Variants in ADGRG7 observed in about 807,000 individuals in gnomAD.
The protein encoded by ADGRG7 is G-protein coupled receptor 128.
ADGRG7 carries 82 observed loss-of-function variants against 88.6 expected under a neutral mutation model. The observed-to-expected ratio is 0.93, with a 90% CI of 0.77 to 1.11. ADGRG7 has a LOEUF of 1.11. ADGRG7 is among the 50% of genes most tolerant of loss of function. The probability of loss-of-function intolerance (pLI) is 0.00; values close to 1 mark genes in which losing one functional copy is unlikely to be tolerated. For synonymous variants in ADGRG7, 381 were observed against 345.2 expected, an observed-to-expected ratio of 1.10 and a Z score of -1.15; for missense variants, 945 against 953.4, an observed-to-expected ratio of 0.99 and a Z score of 0.12.
intron 15 of ADGRG7, among the ~76,000 whole-genome samples, chr3:100,673,997 T>A (rs1328635467): frequency 3.9e-5 from 6 of 152,256 alleles, no homozygotes; most frequent in Non-Finnish European, 4.4e-5. Flanking sequence ...ATCTTAGATC[T>A]TTCCTGCTTT....
intron 14 of ADGRG7, among the ~76,000 whole-genome samples, chr3:100,662,022 C>T (rs900944672): frequency 1.3e-5 from 2 of 152,194 alleles, no homozygotes; most frequent in African/African-American, 4.8e-5. Flanking sequence ...TTACCCTCTA[C>T]TTCCACCAAA....
chr3:100,662,461 C>A lies in ADGRG7; in HGVS notation c.1979+2618C>A, dbSNP rs540542257. Among the ~76,000 whole-genome samples, 5 of 152,190 alleles carry A rather than the reference C, an allele frequency of 3.3e-5. No individual in the cohort carries two copies. In the East Asian group the frequency reaches 7.7e-4, roughly 23 times the overall value. On this transcript the variant is annotated intron_variant, in intron 14 of 15. Transcript: ENST00000273352. ...AGTCAATTAAACAAAAGCAGTCAAC[C>A]AACTTTTTTGCTAATATAATAGCAT...
At position 100,694,766 on chromosome 3, in the gene ADGRG7, A is replaced by G; in HGVS notation, c.2159A>G (p.Tyr720Cys). 1 of 1,614,006 alleles carries G rather than the reference A, an allele frequency of 6.2e-7. No homozygotes were observed. The highest frequency in any genetic ancestry group is 8.5e-7 in the Non-Finnish European group (1 of 1,179,836). ...TTQGLQIFIL[Y>C]TVRTKVFQSE... Reference sequence around the variant, plus strand: ...CAGGGATTGCAAATTTTTATCCTGTACACTGTTAGAACAAAAGTCTTCCAG... The same window carrying G: ...CAGGGATTGCAAATTTTTATCCTGTGCACTGTTAGAACAAAAGTCTTCCAG... The change falls in exon 16 of 16, where the codon TAC becomes TGC. Residue 720 changes from tyrosine to cysteine, a missense_variant. Tyr to Cys is a radical substitution (Grantham distance 194, BLOSUM62 -2). Transcript: ENST00000273352.
chr3:100,637,355 T>C lies in ADGRG7; in HGVS notation c.651T>C (p.Asp217=). The change falls in exon 6 of 16, where the codon GAT becomes GAC. Residue 217 remains aspartate (D), a synonymous_variant. Transcript: ENST00000273352. ...TVSQLLDASE[D]AFQRVAATAN... Reference sequence around the variant, plus strand: ...GTCAACTCCTAGATGCCAGTGAAGATGCTTTTCAAAGAGTTGCTGCTACTG... The same window carrying C: ...GTCAACTCCTAGATGCCAGTGAAGACGCTTTTCAAAGAGTTGCTGCTACTG... The C allele has an allele frequency of 6.2e-7, 1 of 1,613,988 alleles. No individual in the cohort carries two copies. Among genetic ancestry groups the C allele is most frequent in the South Asian group, 1.1e-5 (1 of 91,088 alleles).
intron 15 of ADGRG7, among the ~76,000 whole-genome samples, chr3:100,678,511 T>A (rs950234303): frequency 3.0e-4 from 45 of 152,310 alleles, no homozygotes; most frequent in African/African-American, 1.1e-3. Flanking sequence ...TGTTCATTAG[T>A]GTCTGGGCAT....
chr3:100,613,560 A>C (rs2149010348), intron 1 of ADGRG7, among the ~76,000 whole-genome samples: 1 of 152,242 alleles, frequency 6.6e-6, no homozygotes, highest in Non-Finnish European at 1.5e-5. Flanking sequence ...AAGTCTATTA[A>C]AGGGAAGGGA....
chr3:100,638,188 G>A lies in ADGRG7; in HGVS notation c.698+786G>A, dbSNP rs575227489. Among the ~76,000 whole-genome samples the A allele has an allele frequency of 2.4e-4, 36 of 152,354 alleles. No individual in the cohort carries two copies. In the South Asian group the frequency reaches 6.8e-3, roughly 29 times the overall value. ...AGGGCCAGCATAACAGCCTTTTTGG[G>A]TACCTGCACTTGGTGGGTCCCAAAT... On this transcript the variant is annotated intron_variant, in intron 6 of 15. Coordinates refer to ENST00000273352, the MANE Select transcript of ADGRG7 (RefSeq NM_032787.3).
rs181580567 is a variant in ADGRG7, at chr3:100,616,259, C to T, written c.115+6288C>T. Among the ~76,000 whole-genome samples the T allele has an allele frequency of 7.9e-5, 12 of 152,118 alleles. 1 individual carries two copies. In the South Asian group the frequency reaches 1.0e-3, roughly 13 times the overall value. On this transcript the variant is annotated intron_variant, in intron 1 of 15. Transcript: ENST00000273352. ...TGAGTTTACAATACAAAATTACATG[C>T]GAACCATGATGCTGGAGAGACATCA...
chr3:100,626,555 G>A (rs1467809470), intron 1 of ADGRG7, among the ~76,000 whole-genome samples: 1 of 152,156 alleles, frequency 6.6e-6, no homozygotes, highest in African/African-American at 2.4e-5. Context: ...GGGAGGCCAA[G>A]GTGGGCGGAT....
chr3:100,687,964 C>A, intron 15 of ADGRG7, among the ~76,000 whole-genome samples: 1 of 152,116 alleles, frequency 6.6e-6, no homozygotes, highest in Admixed American at 6.5e-5. Context: ...ACCAGCTCCT[C>A]CTTGTACCTC....
chr3:100,673,524 T>C (rs1165347), intron 15 of ADGRG7, among the ~76,000 whole-genome samples: 131,179 of 150,178 alleles, frequency 0.87, 59,379 homozygotes, highest in Non-Finnish European at 1. Context: ...TACAATGGTG[T>C]GATCTCAGCT....
intron 13 of ADGRG7, among the ~76,000 whole-genome samples, chr3:100,657,054 A>G (rs1185627786): frequency 6.6e-6 from 1 of 152,234 alleles, no homozygotes; most frequent in Non-Finnish European, 1.5e-5. Flanking sequence ...AAAAGTCTTC[A>G]GAAGAAAGAA....
chr3:100,686,749 A>C (rs2094983417), intron 15 of ADGRG7, among the ~76,000 whole-genome samples: 2 of 152,208 alleles, frequency 1.3e-5, no homozygotes, highest in Admixed American at 6.5e-5. Context: ...CTGTTTTGGT[A>C]CCAGTACCAT....
In ADGRG7 at chr3:100,649,772, T is replaced by C. The variant is rs2149027542; in HGVS notation, c.1344T>C (p.Gly448=). The C allele has an allele frequency of 3.7e-6, 6 of 1,609,236 alleles. No individual in the cohort carries two copies. The South Asian group carries it at 5.5e-5, about 15-fold the overall frequency. ...SNVGCALSVT[G]LALTVIFQIV... ...TTGGATGTGCACTGTCTGTTACTGG[T>C]CTGGCTCTCACAGTTATATTTCAGA... The change falls in exon 11 of 16, where the codon GGT becomes GGC. Residue 448 remains glycine, a synonymous_variant. Transcript: ENST00000273352.
intron 11 of ADGRG7, among the ~76,000 whole-genome samples, chr3:100,652,103 G>A (rs1277632693): frequency 1.3e-5 from 2 of 152,116 alleles, no homozygotes; most frequent in African/African-American, 2.4e-5. Flanking sequence ...GATAAAATTA[G>A]ATAAAAACTA....
Position 100,609,623 on chromosome 3 carries a change from G to T in ADGRG7, c.-234G>T. ...ATCACTTTTTTCATGTTCTCCTTGA[G>T]TGAAGGATGAGGAAATTGAAAGCAG... On this transcript the variant is annotated 5_prime_UTR_variant, in exon 1 of 16. Coordinates refer to ENST00000273352, the MANE Select transcript of ADGRG7 (RefSeq NM_032787.3). 2.5e-6 allele frequency: 1 copy of T among 393,082 alleles called. No homozygotes were observed. Among genetic ancestry groups the T allele is most frequent in the Non-Finnish European group, 4.8e-6 (1 of 206,392 alleles). 24.3% of individuals were successfully genotyped at this position (393,082 alleles called of 1,614,324 possible).
intron 1 of ADGRG7, among the ~76,000 whole-genome samples, chr3:100,625,829 A>C (rs1707372555): frequency 6.6e-6 from 1 of 152,202 alleles, no homozygotes; most frequent in South Asian, 2.1e-4. Flanking sequence ...GATGGATTAC[A>C]TTTATTGATT....
At chr3:100,665,252 TTGA>T in intron 14 of ADGRG7, 3 of 540,534 alleles carry the variant, frequency 5.6e-6, no homozygotes, top group South Asian at 4.1e-5. Flanking sequence ...ATCCATTATG[TTGA>T]TATTTATAAC....
intron 15 of ADGRG7, among the ~76,000 whole-genome samples, chr3:100,683,931 C>G (rs1292757429): frequency 6.6e-6 from 1 of 152,150 alleles, no homozygotes; most frequent in East Asian, 1.9e-4. Context: ...TTTCTTCTGA[C>G]TGTTATAGCA....
Sources: allele counts gnomAD v4.1 joint callset (sites outside exome capture counted in the v4.1 genomes callset), GRCh38; gene constraint gnomAD v4.1.1; transcripts MANE v1.5; gene names NCBI Gene and HGNC (gene_info 2026-07-23, HGNC 2026-07-21).